GTF2IRD1: variants seen among roughly 807,000 people sequenced by gnomAD.
GTF2IRD1 encodes GTF2I repeat domain containing 1, also known as general transcription factor II-I repeat domain-containing protein 1.
A neutral mutation model predicts 113.2 loss-of-function variants in GTF2IRD1; 26 were observed. The observed-to-expected ratio is 0.23, with a 90% CI of 0.17 to 0.32. The LOEUF is 0.32. Ranked by LOEUF, GTF2IRD1 falls within the 10% of genes least tolerant of loss-of-function variation. The probability of loss-of-function intolerance (pLI) is 1.00; values close to 1 mark genes in which losing one functional copy is unlikely to be tolerated. For missense variants in GTF2IRD1, 864 were observed against 1,280.8 expected (o/e 0.67, Z 4.97); for synonymous variants, 484 against 529.1 (o/e 0.91, Z 1.17).
In GTF2IRD1 at chr7:74,512,016, C is replaced by T. The variant is rs1418075403; in HGVS notation, c.124-814C>T. Among the ~76,000 whole-genome samples the T allele has an allele frequency of 6.6e-6, 1 of 152,144 alleles. No homozygotes were observed. Among genetic ancestry groups the T allele is most frequent in the Non-Finnish European group, 1.5e-5 (1 of 68,024 alleles). On this transcript the variant is annotated intron_variant, in intron 2 of 26. Transcript: ENST00000424337. This position sits in a 1 kb window ranked among gnomAD's most constrained non-coding sequence, Gnocchi z 4.4. ...ACCATTGAATCCCCATACCCAAGCC[C>T]AGTGGCACTGTGGAACTGGGCTGCT...
intron 1 of GTF2IRD1, among the ~76,000 whole-genome samples, chr7:74,486,732 G>C (rs1353794111): frequency 2.0e-5 from 3 of 151,952 alleles, no homozygotes; most frequent in Non-Finnish European, 4.4e-5. Flanking sequence ...AGCTACTCAG[G>C]AAGCTGAGGC....
At chr7:74,571,265 C>G (rs1453507586) in intron 22 of GTF2IRD1, 1 of 223,710 alleles carries the variant, frequency 4.5e-6, no homozygotes, top group Non-Finnish European at 7.5e-6. Flanking sequence ...CTGGGGCCAC[C>G]CTGGAGTGCA....
At chr7:74,529,129 C>T (rs1220449457) in intron 8 of GTF2IRD1, among the ~76,000 whole-genome samples, 1 of 151,944 alleles carries the variant, frequency 6.6e-6, no homozygotes, top group Admixed American at 6.6e-5. Context: ...AGGGGAAGCA[C>T]CAAGGGGGCG....
intron 14 of GTF2IRD1, 79 bp from the exon 15 acceptor site, chr7:74,544,676 G>C: frequency 7.0e-7 from 1 of 1,433,410 alleles, no homozygotes; most frequent in South Asian, 1.2e-5. Context: ...CCATTCCCCA[G>C]CTATCTGGCC....
intron 8 of GTF2IRD1, among the ~76,000 whole-genome samples, chr7:74,526,348 T>G (rs1408630700): frequency 6.6e-6 from 1 of 152,086 alleles, no homozygotes; most frequent in Non-Finnish European, 1.5e-5. Flanking sequence ...TGCCCAGTAC[T>G]GGGGACCCCA....
intron 8 of GTF2IRD1, among the ~76,000 whole-genome samples, chr7:74,528,440 C>T (rs782065020): frequency 1.3e-5 from 2 of 152,110 alleles, no homozygotes; most frequent in Non-Finnish European, 2.9e-5. Flanking sequence ...TGGGCTCAAG[C>T]ATTTCCCAAC....
At chr7:74,524,531 C>G (rs901605491) in intron 8 of GTF2IRD1, among the ~76,000 whole-genome samples, 2 of 152,102 alleles carry the variant, frequency 1.3e-5, no homozygotes, top group Admixed American at 1.3e-4. Flanking sequence ...TCAAGACCAG[C>G]CTGACCAACA....
intron 1 of GTF2IRD1, among the ~76,000 whole-genome samples, chr7:74,454,563 C>T (rs1792836031): frequency 7.0e-6 from 1 of 142,998 alleles, no homozygotes. Context: ...GCAGAGGGGG[C>T]TGGGAAGGCC....
Position 74,499,437 on chromosome 7 carries a change from G to A in GTF2IRD1, c.-6-8638G>A, listed in dbSNP as rs1795904085. On this transcript the variant is annotated intron_variant, in intron 1 of 26. Coordinates refer to ENST00000424337, the MANE Select transcript of GTF2IRD1 (RefSeq NM_005685.4). ...GAAGGAAGGAAGAGAAGGGAGTGGG[G>A]GAGGGAGAGAGAGAAGGAAGGAAGG... is the stretch of plus-strand genomic sequence containing the variant. Among the ~76,000 whole-genome samples, 4 of 151,504 alleles carry A rather than the reference G, an allele frequency of 2.6e-5. No homozygotes were observed. In the South Asian group the frequency reaches 8.3e-4, roughly 32 times the overall value.
At chr7:74,479,249 G>A (rs1794600145) in intron 1 of GTF2IRD1, among the ~76,000 whole-genome samples, 1 of 152,018 alleles carries the variant, frequency 6.6e-6, no homozygotes, top group Non-Finnish European at 1.5e-5. Flanking sequence ...CTGACCTTCC[G>A]AGATCCTTGG....
chr7:74,596,680 G>A (rs1802436298), intron 25 of GTF2IRD1, among the ~76,000 whole-genome samples: 1 of 151,960 alleles, frequency 6.6e-6, no homozygotes, highest in Non-Finnish European at 1.5e-5. Flanking sequence ...TTGGCCAGGT[G>A]TGGTGGCTCA....
At chr7:74,556,910 C>T (rs1157475025) in intron 19 of GTF2IRD1, among the ~76,000 whole-genome samples, 4 of 151,990 alleles carry the variant, frequency 2.6e-5, no homozygotes, top group Admixed American at 6.6e-5. Flanking sequence ...AGGCATGAGC[C>T]GCCGCGCCCG....
chr7:74,553,153 T>C (rs1403575288), intron 17 of GTF2IRD1, among the ~76,000 whole-genome samples: 1 of 150,898 alleles, frequency 6.6e-6, no homozygotes, highest in African/African-American at 2.4e-5. Flanking sequence ...TGGGTTTTTT[T>C]TGAGACAGAG....
At chr7:74,510,941 C>T (rs10281503) in intron 2 of GTF2IRD1, among the ~76,000 whole-genome samples, 45 of 151,518 alleles carry the variant, frequency 3.0e-4, no homozygotes, top group African/African-American at 8.2e-4. Context: ...CCTAGCTATT[C>T]GGGAGGCCGA....
chr7:74,602,305 T>C, intron 26 of GTF2IRD1, 60 bp from the exon 27 acceptor site: 1 of 1,574,552 alleles, frequency 6.4e-7, no homozygotes. Flanking sequence ...GAACTAAGCA[T>C]TTTGGGTTTG....
intron 1 of GTF2IRD1, among the ~76,000 whole-genome samples, chr7:74,470,615 C>G (rs192780078): frequency 1.3e-5 from 2 of 152,262 alleles, no homozygotes; most frequent in East Asian, 3.9e-4. Context: ...TTGCCCCAAA[C>G]TGGAAACAAT....
intron 9 of GTF2IRD1, among the ~76,000 whole-genome samples, chr7:74,534,075 C>T (rs782181413): frequency 3.3e-5 from 5 of 151,632 alleles, no homozygotes; most frequent in East Asian, 1.9e-4. Context: ...CTGCCACGAT[C>T]GGTTGGCAGC....
chr7:74,576,617 CTTTTTTTTTT>C (rs1165378230), intron 22 of GTF2IRD1, among the ~76,000 whole-genome samples: 7 of 49,348 alleles, frequency 1.4e-4, no homozygotes, highest in Non-Finnish European at 2.4e-4. Context: ...ATTTCCTTGT[CTTTTTTTTTT>C]TTTTTTTTTT....
Position 74,555,330 on chromosome 7 carries a change from C to T in GTF2IRD1, c.1966+107C>T. The T allele has an allele frequency of 6.9e-7, 1 of 1,452,628 alleles. No homozygotes were observed. Among genetic ancestry groups the T allele is most frequent in the South Asian group, 1.1e-5 (1 of 87,162 alleles). The allele number at this position is 1,452,628 out of a possible 1,614,324, so 90.0% of individuals were successfully genotyped here. A position where few individuals can be genotyped will look rare whatever the true frequency, so the allele number is the denominator to read the frequency against. On this transcript the variant is annotated intron_variant, in intron 18 of 26. Transcript: ENST00000424337. This position sits in a 1 kb window ranked among gnomAD's most constrained non-coding sequence, Gnocchi z 5.3. ...TGCCTCTGTCCTGCTCCCATCCTGG[C>T]CCTGGCATTCTCCCCACACCCCCAC...
Sources: allele counts gnomAD v4.1 joint callset (sites outside exome capture counted in the v4.1 genomes callset), GRCh38; gene constraint gnomAD v4.1.1; non-coding constraint Gnocchi (gnomAD v3.1); transcripts MANE v1.5; gene names NCBI Gene and HGNC (gene_info 2026-07-23, HGNC 2026-07-21).